GDAP2: variants seen among roughly 807,000 people sequenced by gnomAD.
GDAP2 encodes the protein ganglioside induced differentiation associated protein 2.
In GDAP2, 51 loss-of-function variants were observed where a neutral mutation model predicts 67.0. The observed-to-expected ratio is 0.76, with a 90% CI of 0.61 to 0.96. The LOEUF (loss-of-function observed/expected upper bound fraction) is 0.96. Among genes scored for constraint, GDAP2 ranks in the 40% least tolerant of loss-of-function variants. The probability of loss-of-function intolerance (pLI) is 0.00; values close to 1 mark genes in which losing one functional copy is unlikely to be tolerated. For missense variants in GDAP2, 547 were observed against 588.3 expected (o/e 0.93, Z 0.73); for synonymous variants, 203 against 207.3 (o/e 0.98, Z 0.18).
At chr1:117,885,496 C>T (rs921470234) in intron 10 of GDAP2, among the ~76,000 whole-genome samples, 1 of 152,144 alleles carries the variant, frequency 6.6e-6, no homozygotes, top group Non-Finnish European at 1.5e-5. Flanking sequence ...CACTTCTCTA[C>T]AGTACTTGCC....
At chr1:117,893,060 T>G (rs1440545392) in intron 8 of GDAP2, among the ~76,000 whole-genome samples, 1 of 152,150 alleles carries the variant, frequency 6.6e-6, no homozygotes, top group Non-Finnish European at 1.5e-5. Context: ...GCTTGTCACT[T>G]TATTACCAGT....
intron 8 of GDAP2, among the ~76,000 whole-genome samples, chr1:117,892,131 T>C (rs1420906615): frequency 1.3e-5 from 2 of 152,114 alleles, no homozygotes; most frequent in African/African-American, 4.8e-5. Context: ...CAACTCATGA[T>C]TGCAATCTTC....
chr1:117,885,027 G>A (rs1648800297), intron 10 of GDAP2, among the ~76,000 whole-genome samples: 3 of 151,634 alleles, frequency 2.0e-5, no homozygotes, highest in Admixed American at 1.3e-4. Flanking sequence ...TGTATTTTTC[G>A]GACAAAATAG....
intron 8 of GDAP2, among the ~76,000 whole-genome samples, chr1:117,895,728 T>C (rs531660021): frequency 6.6e-6 from 1 of 152,214 alleles, no homozygotes; most frequent in Non-Finnish European, 1.5e-5. Flanking sequence ...TCATACGCTT[T>C]TGTTTTTCAA....
At chr1:117,914,249 G>GA (rs943675224) in intron 3 of GDAP2, among the ~76,000 whole-genome samples, 1 of 151,572 alleles carries the variant, frequency 6.6e-6, no homozygotes, top group Non-Finnish European at 1.5e-5. Flanking sequence ...CAACACAGGG[G>GA]AAAAAAAACT....
intron 13 of GDAP2, among the ~76,000 whole-genome samples, chr1:117,873,635 A>T (rs1382504411): frequency 6.6e-6 from 1 of 152,084 alleles, no homozygotes; most frequent in African/African-American, 2.4e-5. Context: ...CTGATGGGGC[A>T]TCTCAAACCT....
chr1:117,927,511 A>C (rs189970478), intron 1 of GDAP2, among the ~76,000 whole-genome samples: 1 of 152,328 alleles, frequency 6.6e-6, no homozygotes, highest in Non-Finnish European at 1.5e-5. Context: ...GAGCTGGTGC[A>C]TGCACTTGAC....
chr1:117,919,045 T>C (rs1339366564), intron 2 of GDAP2, among the ~76,000 whole-genome samples: 1 of 152,172 alleles, frequency 6.6e-6, no homozygotes, highest in Non-Finnish European at 1.5e-5. Flanking sequence ...ACATGTGGTA[T>C]ATCCATACAA....
At chr1:117,873,443 T>C (rs1422595305) in intron 13 of GDAP2, among the ~76,000 whole-genome samples, 1 of 152,016 alleles carries the variant, frequency 6.6e-6, no homozygotes, top group Non-Finnish European at 1.5e-5. Flanking sequence ...TACTAACCAC[T>C]TCACTCCTTA....
At chr1:117,876,648 T>A (rs1648466423) in intron 13 of GDAP2, among the ~76,000 whole-genome samples, 1 of 152,166 alleles carries the variant, frequency 6.6e-6, no homozygotes, top group African/African-American at 2.4e-5. Context: ...TGCTTGTATT[T>A]ATACAAAAAT....
intron 13 of GDAP2, among the ~76,000 whole-genome samples, chr1:117,871,835 A>T (rs1463653087): frequency 6.6e-6 from 1 of 152,204 alleles, no homozygotes; most frequent in African/African-American, 2.4e-5. Context: ...TTTTTTTAAA[A>T]TTGAAAAATT....
At chr1:117,888,191 T>C (rs1323122264) in intron 8 of GDAP2, among the ~76,000 whole-genome samples, 2 of 152,194 alleles carry the variant, frequency 1.3e-5, no homozygotes, top group African/African-American at 2.4e-5. Flanking sequence ...TACTCTATGA[T>C]AGTTACTGAG....
intron 1 of GDAP2, among the ~76,000 whole-genome samples, chr1:117,928,758 G>T (rs1344671873): frequency 6.6e-6 from 1 of 152,174 alleles, no homozygotes; most frequent in Non-Finnish European, 1.5e-5. Context: ...GCGCCGGCAG[G>T]ATCTTCTTTT....
chr1:117,895,592 G>A (rs559326825), intron 8 of GDAP2, among the ~76,000 whole-genome samples: 54 of 152,234 alleles, frequency 3.5e-4, no homozygotes, highest in African/African-American at 1.3e-3. Flanking sequence ...CCCAGGCACC[G>A]TATTTAATGA....
intron 8 of GDAP2, among the ~76,000 whole-genome samples, chr1:117,891,960 T>C (rs1476089579): frequency 6.6e-6 from 1 of 152,144 alleles, no homozygotes; most frequent in African/African-American, 2.4e-5. Flanking sequence ...GATTAACAAC[T>C]TGAGATCTAA....
At chr1:117,903,206 C>G (rs1037595771) in intron 6 of GDAP2, among the ~76,000 whole-genome samples, 4 of 151,980 alleles carry the variant, frequency 2.6e-5, no homozygotes, top group African/African-American at 7.2e-5. Context: ...TTGATAAGAT[C>G]ATGCCGTCTG....
chr1:117,915,263 AC>A (rs1650009569), intron 3 of GDAP2, among the ~76,000 whole-genome samples: 1 of 152,198 alleles, frequency 6.6e-6, no homozygotes, highest in African/African-American at 2.4e-5. Context: ...ACTAAATGGC[AC>A]CTCAAGTAAA....
chr1:117,887,735 C>T lies in GDAP2; in HGVS notation c.993G>A (p.Leu331=), dbSNP rs368860579. The change falls in exon 9 of 14, where the codon CTG becomes CTA. Residue 331 remains leucine (L), a synonymous_variant. Coordinates refer to ENST00000369443, the MANE Select transcript of GDAP2 (RefSeq NM_017686.4). The part of the protein sequence containing the change: ...RWLCQARSED[L]SDIASLKALY... ...AGGCTTTTAGAGAAGCAATATCAGA[C>T]AGATCCTCAGATCTTGCTTGACATA... The T allele has an allele frequency of 6.3e-7, 1 of 1,579,602 alleles. No homozygotes were observed. Among genetic ancestry groups the T allele is most frequent in the Non-Finnish European group, 8.7e-7 (1 of 1,149,262 alleles).
chr1:117,897,884 T>C (rs1649318485), intron 7 of GDAP2, among the ~76,000 whole-genome samples: 1 of 152,196 alleles, frequency 6.6e-6, no homozygotes, highest in Non-Finnish European at 1.5e-5. Flanking sequence ...AGCTTGGTTA[T>C]ATATATTTTA....
Sources: gnomAD v4.1 joint callset for allele counts (sites outside exome capture counted in the v4.1 genomes callset) on GRCh38, gnomAD v4.1.1 for gene constraint, MANE v1.5 for transcripts, NCBI Gene and HGNC (gene_info 2026-07-23, HGNC 2026-07-21) for gene names.